SCLT1: variants seen among roughly 807,000 people sequenced by gnomAD.
SCLT1 encodes sodium channel and clathrin linker 1, also known as sodium channel-associated protein 1.
In SCLT1, 78 loss-of-function variants were observed where a neutral mutation model predicts 112.8. The observed-to-expected ratio is 0.69, with a 90% confidence interval of 0.58 to 0.83. The LOEUF (loss-of-function observed/expected upper bound fraction) is 0.83, where lower values mean the gene tolerates loss of function less well. Ranked by LOEUF, SCLT1 falls within the 40% of genes least tolerant of loss-of-function variation. SCLT1 has a pLI of 0.00. For missense variants in SCLT1, 747 were observed against 770.4 expected (o/e 0.97, Z 0.36); for synonymous variants, 257 against 254.7 (o/e 1.01, Z -0.09).
intron 8 of SCLT1, among the ~76,000 whole-genome samples, chr4:128,993,381 T>C (rs1742741399): frequency 6.6e-6 from 1 of 152,098 alleles, no homozygotes; most frequent in African/African-American, 2.4e-5. Flanking sequence ...ACTAGTGTTT[T>C]ATTATATATA....
At chr4:129,028,814 C>G (rs920432780) in intron 5 of SCLT1, among the ~76,000 whole-genome samples, 4 of 151,942 alleles carry the variant, frequency 2.6e-5, no homozygotes, top group South Asian at 4.1e-4. Flanking sequence ...CTACAATGAA[C>G]TCCAACAAAT....
At chr4:128,983,273 G>A (rs181481722) in intron 9 of SCLT1, among the ~76,000 whole-genome samples, 26 of 152,196 alleles carry the variant, frequency 1.7e-4, no homozygotes, top group Admixed American at 5.9e-4. Flanking sequence ...CTTTCCCTTC[G>A]AAGACTTTAC....
chr4:128,908,925 T>A (rs190769081), intron 18 of SCLT1, among the ~76,000 whole-genome samples: 3 of 152,286 alleles, frequency 2.0e-5, no homozygotes, highest in Admixed American at 2.0e-4. Context: ...ATAATAAACC[T>A]TTGTTTTGTT....
At chr4:128,909,637 A>C (rs1734943115) in intron 18 of SCLT1, among the ~76,000 whole-genome samples, 1 of 152,224 alleles carries the variant, frequency 6.6e-6, no homozygotes, top group African/African-American at 2.4e-5. Context: ...TCAATAATCT[A>C]AACTTCAAAA....
intron 5 of SCLT1, chr4:128,874,114 A>G (rs1368915362): frequency 6.6e-6 from 1 of 152,648 alleles, no homozygotes; most frequent in Non-Finnish European, 1.5e-5. Context: ...AGATAATAGA[A>G]GGTTCTTATG....
chr4:128,947,067 A>G (rs1738229805), intron 15 of SCLT1, among the ~76,000 whole-genome samples: 2 of 152,166 alleles, frequency 1.3e-5, no homozygotes, highest in African/African-American at 2.4e-5. Context: ...CACTCTCTAT[A>G]AAAACATGGA....
chr4:129,072,001 T>C (rs1292132447), intron 2 of SCLT1, among the ~76,000 whole-genome samples: 2 of 152,180 alleles, frequency 1.3e-5, no homozygotes, highest in Non-Finnish European at 2.9e-5. Context: ...GTTCTTGTAG[T>C]GGTGGCTTGG....
intron 15 of SCLT1, among the ~76,000 whole-genome samples, chr4:128,948,283 C>T (rs1325114064): frequency 7.1e-6 from 1 of 141,458 alleles, no homozygotes; most frequent in African/African-American, 2.7e-5. Flanking sequence ...TTGCAGTGAG[C>T]CGAGATCATG....
intron 5 of SCLT1, among the ~76,000 whole-genome samples, chr4:129,019,634 G>A (rs555827182): frequency 4.0e-5 from 6 of 151,382 alleles, no homozygotes; most frequent in South Asian, 4.2e-4. Context: ...CACAGCTGCC[G>A]CTATATTTTT....
intron 8 of SCLT1, among the ~76,000 whole-genome samples, chr4:128,993,476 A>AG (rs1742749575): frequency 6.6e-6 from 1 of 152,124 alleles, no homozygotes; most frequent in African/African-American, 2.4e-5. Flanking sequence ...AGCAATTAAC[A>AG]GAAGTATAAG....
intron 14 of SCLT1, chr4:128,952,325 T>A: frequency 2.2e-6 from 1 of 457,132 alleles, no homozygotes; most frequent in South Asian, 1.5e-5. Context: ...CAAGTTAAAC[T>A]TCTATTTCCA....
At chr4:128,994,818 C>T (rs73847349) in intron 8 of SCLT1, among the ~76,000 whole-genome samples, 1,552 of 152,158 alleles carry the variant, frequency 0.01, 16 homozygotes, top group African/African-American at 0.028. Context: ...TGGAAAAATA[C>T]CTATTTAAGT....
chr4:129,025,923 T>C (rs1746021599), intron 5 of SCLT1, among the ~76,000 whole-genome samples: 1 of 151,898 alleles, frequency 6.6e-6, no homozygotes, highest in Non-Finnish European at 1.5e-5. Flanking sequence ...AAACAGACTT[T>C]AAACCAACAA....
At chr4:128,925,852 TTG>T (rs1736254214) in intron 18 of SCLT1, among the ~76,000 whole-genome samples, 1 of 152,034 alleles carries the variant, frequency 6.6e-6, no homozygotes, top group African/African-American at 2.4e-5. Context: ...TAATCCCATT[TTG>T]TGAGTTTTAA....
At chr4:129,071,524 C>A (rs540893969) in intron 2 of SCLT1, among the ~76,000 whole-genome samples, 1 of 152,230 alleles carries the variant, frequency 6.6e-6, no homozygotes, top group South Asian at 2.1e-4. Context: ...TTTTACCCAT[C>A]ATATAATGTC....
rs1438281615 is a variant in SCLT1, at chr4:128,908,392, A to AG, written c.1830-17256_1830-17255insC. Among the ~76,000 whole-genome samples, 18 of 150,932 alleles carry AG rather than the reference A, an allele frequency of 1.2e-4. 1 individual carries two copies. The East Asian group carries it at 3.5e-3, about 29-fold the overall frequency. ...TCATCCTGTTAATTAAAAAAAAAAA[A>AG]AAGAAAGAAAAAAACAGTTACAGCA... On this transcript the variant is annotated intron_variant, in intron 18 of 20. Coordinates refer to ENST00000281142, the MANE Select transcript of SCLT1 (RefSeq NM_144643.4).
At chr4:129,050,912 G>T (rs1243701543) in intron 2 of SCLT1, among the ~76,000 whole-genome samples, 1 of 152,048 alleles carries the variant, frequency 6.6e-6, no homozygotes, top group African/African-American at 2.4e-5. Flanking sequence ...TAAGGTGTAG[G>T]GAGGGGGTCC....
intron 12 of SCLT1, among the ~76,000 whole-genome samples, chr4:128,958,213 T>C (rs1173621038): frequency 6.6e-6 from 1 of 152,188 alleles, no homozygotes; most frequent in East Asian, 1.9e-4. Flanking sequence ...TTTTTACCTC[T>C]GTTTTTGTAA....
At chr4:128,955,292 T>G (rs1261763193) in intron 13 of SCLT1, among the ~76,000 whole-genome samples, 1 of 152,226 alleles carries the variant, frequency 6.6e-6, no homozygotes, top group African/African-American at 2.4e-5. Flanking sequence ...ATAAGCATTT[T>G]TCCTCTATAA....
Sources: gnomAD v4.1 joint callset for allele counts (sites outside exome capture counted in the v4.1 genomes callset) on GRCh38, gnomAD v4.1.1 for gene constraint, MANE v1.5 for transcripts, NCBI Gene and HGNC (gene_info 2026-07-23, HGNC 2026-07-21) for gene names.